Variants in NAF1 observed in about 807,000 individuals in gnomAD.
NAF1 encodes H/ACA ribonucleoprotein complex non-core subunit NAF1.
NAF1 carries 11 observed loss-of-function variants against 40.6 expected under a neutral mutation model. That is an observed-to-expected ratio of 0.27 (90% confidence interval 0.17 to 0.45). The LOEUF is 0.45. Ranked by LOEUF, NAF1 falls within the 20% of genes least tolerant of loss-of-function variation. The pLI is 1.00. For synonymous variants in NAF1, 260 were observed against 228.5 expected, an observed-to-expected ratio of 1.14 and a Z score of -1.24; for missense variants, 607 against 611.1, an observed-to-expected ratio of 0.99 and a Z score of 0.07.
intron 7 of NAF1, 87 bp downstream of exon 7, chr4:163,133,067 C>T (rs1730929241): frequency 4.5e-6 from 5 of 1,106,532 alleles, no homozygotes; most frequent in Non-Finnish European, 6.7e-6. Flanking sequence ...AGAGAGAACC[C>T]AGATGTTTCC....
chr4:163,163,600 T>C (rs1230724778), intron 2 of NAF1, among the ~76,000 whole-genome samples: 1 of 149,124 alleles, frequency 6.7e-6, no homozygotes, highest in Non-Finnish European at 1.5e-5. Context: ...TAAGGATGTT[T>C]ACAGCATAAG....
At position 163,166,670 on chromosome 4, in the gene NAF1, C is replaced by G. The variant is rs780528596; in HGVS notation, c.58G>C (p.Asp20His). 1.2e-6 allele frequency: 2 copies of G among 1,613,730 alleles called. No individual in the cohort carries two copies. The highest frequency in any genetic ancestry group is 3.3e-5 in the Admixed American group (2 of 60,026). ...QLETLKFNGT[D>H]FGVGEGPAAP... ...GCCGGACCTTCCCCAACTCCAAAGT[C>G]GGTGCCATTGAATTTCAGAGTTTCC... Residue 20 changes from aspartate to histidine, a missense_variant, in exon 1 of 8, where the codon GAC becomes CAC. Asp to His is a moderately conservative substitution (Grantham distance 81). This residue lies in a region of NAF1 where 407 missense variants were observed against 365.5 expected (regional missense o/e 1.11). Coordinates refer to ENST00000274054, the MANE Select transcript of NAF1 (RefSeq NM_138386.3).
At chr4:163,118,699 G>A (rs1484045036) in intron 2 of NAF1, among the ~76,000 whole-genome samples, 1 of 152,148 alleles carries the variant, frequency 6.6e-6, no homozygotes, top group Non-Finnish European at 1.5e-5. Flanking sequence ...GCTGCAGTGA[G>A]CCAATATCGC....
intron 3 of NAF1, among the ~76,000 whole-genome samples, chr4:163,146,550 T>C (rs1305984135): frequency 1.3e-5 from 2 of 152,202 alleles, no homozygotes; most frequent in Non-Finnish European, 2.9e-5. Flanking sequence ...GTAAGAACAC[T>C]GTTACATTAC....
At chr4:163,165,795 T>C (rs1659543847) in intron 1 of NAF1, among the ~76,000 whole-genome samples, 1 of 152,158 alleles carries the variant, frequency 6.6e-6, no homozygotes, top group Non-Finnish European at 1.5e-5. Context: ...GGAAAGGCTC[T>C]CACAAAACGT....
At chr4:163,106,322 G>A (rs1730049008), downstream of NAF1, among the ~76,000 whole-genome samples, 1 of 151,934 alleles carries the variant, frequency 6.6e-6, no homozygotes, top group African/African-American at 2.4e-5. Flanking sequence ...TGACCAATAT[G>A]GTAATGCACT....
At chr4:163,147,297 C>T (rs948156261) in intron 3 of NAF1, among the ~76,000 whole-genome samples, 1 of 152,106 alleles carries the variant, frequency 6.6e-6, no homozygotes, top group Admixed American at 6.5e-5. Context: ...ACTCACTATA[C>T]AACTGGTCCT....
At chr4:163,109,638 G>T (rs974004063), downstream of NAF1, among the ~76,000 whole-genome samples, 8 of 152,338 alleles carry the variant, frequency 5.3e-5, no homozygotes, top group Admixed American at 1.3e-4. Context: ...TAACAGAAAA[G>T]TGAGGATGAT....
At chr4:163,165,544 C>T (rs1732417137) in intron 1 of NAF1, among the ~76,000 whole-genome samples, 1 of 152,162 alleles carries the variant, frequency 6.6e-6, no homozygotes, top group South Asian at 2.1e-4. Context: ...ACATTTCATA[C>T]CCTCTCCTTC....
chr4:163,166,680 G>C lies in NAF1; in HGVS notation c.48C>G (p.Phe16Leu). Residue 16 changes from phenylalanine (F) to leucine (L), a missense_variant, in exon 1 of 8, where the codon TTC becomes TTG. Physicochemically the swap from Phe to Leu is conservative, Grantham distance 22. Around this residue, in one of 3 missense-constraint regions of NAF1, gnomAD observed 407 missense variants for 365.5 expected, o/e 1.11. Coordinates refer to ENST00000274054, the MANE Select transcript of NAF1 (RefSeq NM_138386.3). ...CCCCAACTCCAAAGTCGGTGCCATT[G>C]AATTTCAGAGTTTCCAGCTGAGCGG... Reference protein sequence around the residue: ...AAAAQLETLKFNGTDFGVGEG... With the variant: ...AAAAQLETLKLNGTDFGVGEG... The C allele has an allele frequency of 6.2e-7, 1 of 1,613,768 alleles. No individual in the cohort carries two copies. Among genetic ancestry groups the C allele is most frequent in the Non-Finnish European group, 8.5e-7 (1 of 1,180,008 alleles).
At chr4:163,149,100 C>CA (rs1229231989) in intron 2 of NAF1, among the ~76,000 whole-genome samples, 1 of 152,150 alleles carries the variant, frequency 6.6e-6, no homozygotes, top group Non-Finnish European at 1.5e-5. Flanking sequence ...TACCCACCTG[C>CA]AAACTGCATC....
At chr4:163,148,302 G>A (rs867639433) in intron 3 of NAF1, 39 bp downstream of exon 3, 1 of 1,317,660 alleles carries the variant, frequency 7.6e-7, no homozygotes, top group Middle Eastern at 1.9e-4. Context: ...ATTAGTGTGT[G>A]TTTGGAAACA....
chr4:163,157,707 T>A (rs1481259089), intron 2 of NAF1, among the ~76,000 whole-genome samples: 1 of 152,100 alleles, frequency 6.6e-6, no homozygotes. Context: ...TTTTGTAAGA[T>A]TATTATATTT....
At chr4:163,151,247 A>AT (rs1432096748) in intron 2 of NAF1, among the ~76,000 whole-genome samples, 1 of 152,024 alleles carries the variant, frequency 6.6e-6, no homozygotes, top group Non-Finnish European at 1.5e-5. Context: ...TAGCATTTTA[A>AT]TTTTTATGTA....
chr4:163,122,176 G>C (rs948810527), downstream of NAF1, among the ~76,000 whole-genome samples: 1 of 152,106 alleles, frequency 6.6e-6, no homozygotes, highest in African/African-American at 2.4e-5. Flanking sequence ...CATACAGTAA[G>C]ATTTCCAATA....
At chr4:163,106,759 A>G (rs1220824945), downstream of NAF1, among the ~76,000 whole-genome samples, 2 of 152,030 alleles carry the variant, frequency 1.3e-5, no homozygotes, top group African/African-American at 4.8e-5. Flanking sequence ...GAGAATATAG[A>G]AAAAAAACCT....
At chr4:163,139,243 A>G (rs1168413208) in intron 5 of NAF1, among the ~76,000 whole-genome samples, 1 of 152,106 alleles carries the variant, frequency 6.6e-6, no homozygotes, top group African/African-American at 2.4e-5. Flanking sequence ...TCCTGCAAAA[A>G]CAACATCTAT....
downstream of NAF1, among the ~76,000 whole-genome samples, chr4:163,123,044 T>A (rs1011514124): frequency 9.9e-5 from 15 of 152,214 alleles, no homozygotes; most frequent in East Asian, 1.9e-4. Context: ...CTGAGTAATT[T>A]ATTAAGAAAA....
intron 7 of NAF1, among the ~76,000 whole-genome samples, chr4:163,130,899 G>A (rs960362929): frequency 6.6e-6 from 1 of 152,158 alleles, no homozygotes; most frequent in African/African-American, 2.4e-5. Flanking sequence ...TTTTTTTAGA[G>A]ACGGAGTCTC....
Sources: gnomAD v4.1 joint callset for allele counts (sites outside exome capture counted in the v4.1 genomes callset) on GRCh38, gnomAD v4.1.1 for gene constraint, gnomAD v4.1.1 regional missense constraint, MANE v1.5 for transcripts, NCBI Gene and HGNC (gene_info 2026-07-23, HGNC 2026-07-21) for gene names.